Variants in MBNL1 observed in about 807,000 individuals in gnomAD.
MBNL1 encodes muscleblind like splicing regulator 1, also known as muscleblind-like protein 1.
Under a neutral mutation model 42.2 loss-of-function variants are expected in MBNL1, and 8 were observed. The observed-to-expected ratio is 0.19, with a 90% CI of 0.11 to 0.34. MBNL1 has a LOEUF of 0.34. Ranked by LOEUF, MBNL1 falls within the 10% of genes least tolerant of loss-of-function variation. MBNL1 has a pLI of 1.00. For synonymous variants in MBNL1, 169 were observed against 173.9 expected, an observed-to-expected ratio of 0.97 and a Z score of 0.22; for missense variants, 309 against 495.3, an observed-to-expected ratio of 0.62 and a Z score of 3.57.
At chr3:152,426,239 C>T (rs2098929467) in intron 3 of MBNL1, among the ~76,000 whole-genome samples, 1 of 151,994 alleles carries the variant, frequency 6.6e-6, no homozygotes. Context: ...GGAGAAATAC[C>T]TAATGTAGAT....
intron 1 of MBNL1, chr3:152,269,657 T>G (rs1047092993): frequency 3.2e-6 from 1 of 313,660 alleles, no homozygotes; most frequent in Non-Finnish European, 6.6e-6. Context: ...TCAGGCCAGT[T>G]TGCCTTTTGC....
intron 2 of MBNL1, among the ~76,000 whole-genome samples, chr3:152,407,073 T>TGTGTGTGTG (rs57861310): frequency 0.053 from 7,834 of 148,874 alleles, 275 homozygotes; most frequent in Middle Eastern, 0.11. Flanking sequence ...GTGTGTGTGT[T>TGTGTGTGTG]TGTGTGAACT....
chr3:152,326,816 T>TATTTATTG (rs1384879355), intron 2 of MBNL1, among the ~76,000 whole-genome samples: 2 of 150,938 alleles, frequency 1.3e-5, no homozygotes, highest in African/African-American at 4.9e-5. Context: ...TTTATTTATT[T>TATTTATTG]ATTGAGACAG....
chr3:152,350,351 C>T (rs1004041526), intron 2 of MBNL1, among the ~76,000 whole-genome samples: 2 of 151,994 alleles, frequency 1.3e-5, no homozygotes, highest in Non-Finnish European at 2.9e-5. Flanking sequence ...AGATTGTAAA[C>T]CAGATTCCAA....
chr3:152,451,604 C>G (rs1332413356), intron 6 of MBNL1, among the ~76,000 whole-genome samples: 1 of 152,104 alleles, frequency 6.6e-6, no homozygotes, highest in Non-Finnish European at 1.5e-5. Flanking sequence ...AGGGTAAAAT[C>G]TAGTATCTAG....
intron 4 of MBNL1, among the ~76,000 whole-genome samples, chr3:152,434,691 T>C (rs2099054970): frequency 6.6e-6 from 1 of 152,194 alleles, no homozygotes; most frequent in South Asian, 2.1e-4. Context: ...TTCTTTTTCT[T>C]TGCAACCTTG....
chr3:152,404,526 A>G (rs2098365401), intron 2 of MBNL1, among the ~76,000 whole-genome samples: 1 of 152,098 alleles, frequency 6.6e-6, no homozygotes, highest in South Asian at 2.1e-4. Flanking sequence ...AATACTAAGT[A>G]ATGATGTTAT....
chr3:152,369,329 T>C (rs1236619212), intron 2 of MBNL1, among the ~76,000 whole-genome samples: 1 of 152,238 alleles, frequency 6.6e-6, no homozygotes, highest in Non-Finnish European at 1.5e-5. Context: ...TTTGCATATG[T>C]TGAACCAGCC....
chr3:152,411,742 A>G (rs112538269), intron 2 of MBNL1, among the ~76,000 whole-genome samples: 146 of 152,326 alleles, frequency 9.6e-4, no homozygotes, highest in African/African-American at 3.3e-3. Flanking sequence ...TGCCAGAAAC[A>G]TTGAATGTCT....
Position 152,261,474 on chromosome 3 carries a change from T to C in MBNL1, n.333+17034T>C, listed in dbSNP as rs188789543. On this transcript the variant is annotated intron_variant and non_coding_transcript_variant, in intron 2 of 2. Transcript: ENST00000477171. ...CAGAGTTCTTCCAATGAGCAGTTCA[T>C]TAGGGTTAACAAGCTATCCTTTGTT... is the stretch of plus-strand genomic sequence containing the variant. Among the ~76,000 whole-genome samples, 752 of 152,254 alleles carry C rather than the reference T, an allele frequency of 4.9e-3. 27 individuals are homozygous for C. Among genetic ancestry groups the C allele is most frequent in the Admixed American group, 0.044 (670 of 15,296 alleles).
At position 152,300,245 on chromosome 3, in the gene MBNL1, G is replaced by A. The variant is rs2060166254; in HGVS notation, c.52G>A (p.Val18Ile). The change falls in exon 2 of 10, where the codon GTA becomes ATA. Residue 18 changes from valine to isoleucine, a missense_variant. By Grantham distance (29) the Val-to-Ile change is conservative. Transcript: ENST00000324210. ...IRDTKWLTLE[V>I]CREFQRGTCS... ...GGACACAAAATGGCTAACACTGGAA[G>A]TATGTAGAGAGTTCCAGAGGGGGAC... 2 of 1,613,376 alleles carry A rather than the reference G, an allele frequency of 1.2e-6. No individual in the cohort carries two copies. The highest frequency in any genetic ancestry group is 1.6e-4 in the Middle Eastern group (1 of 6,082).
intron 2 of MBNL1, among the ~76,000 whole-genome samples, chr3:152,385,540 T>G (rs1379150025): frequency 6.6e-6 from 1 of 152,074 alleles, no homozygotes; most frequent in Admixed American, 6.6e-5. Context: ...AATTGAAGTA[T>G]TCTATGGAGT....
intron 2 of MBNL1, among the ~76,000 whole-genome samples, chr3:152,368,624 A>G (rs2096531725): frequency 6.6e-6 from 1 of 152,154 alleles, no homozygotes; most frequent in African/African-American, 2.4e-5. Context: ...TTTTCATGAT[A>G]TTGATTCTTC....
intron 2 of MBNL1, among the ~76,000 whole-genome samples, chr3:152,350,956 A>G (rs2152983963): frequency 6.6e-6 from 1 of 152,290 alleles, no homozygotes; most frequent in South Asian, 2.1e-4. Context: ...GAAGTTTCAT[A>G]GCCCTGCCTA....
At chr3:152,297,505 A>G (rs953626521) in intron 1 of MBNL1, among the ~76,000 whole-genome samples, 5 of 151,836 alleles carry the variant, frequency 3.3e-5, no homozygotes, top group African/African-American at 1.2e-4. Context: ...GCCTGCCACC[A>G]TGCCCGGCTA....
chr3:152,264,239 A>G (rs2036810375), upstream of MBNL1: 1 of 152,206 alleles, frequency 6.6e-6, no homozygotes, highest in South Asian at 2.1e-4. Flanking sequence ...TTCTGTAACC[A>G]CAGTACCTAG....
intron 2 of MBNL1, among the ~76,000 whole-genome samples, chr3:152,388,196 G>T (rs1272027252): frequency 1.3e-5 from 2 of 152,096 alleles, no homozygotes; most frequent in African/African-American, 2.4e-5. Flanking sequence ...CAGGTGCTCT[G>T]AGTTGACTTG....
At chr3:152,358,810 A>G (rs946499804) in intron 2 of MBNL1, among the ~76,000 whole-genome samples, 11 of 152,118 alleles carry the variant, frequency 7.2e-5, no homozygotes, top group East Asian at 5.8e-4. Flanking sequence ...GGGTCTCACT[A>G]TGTTGCCCAG....
At chr3:152,452,987 T>C (rs571947864) in intron 6 of MBNL1, among the ~76,000 whole-genome samples, 38 of 152,176 alleles carry the variant, frequency 2.5e-4, no homozygotes, top group African/African-American at 8.9e-4. Context: ...AGAAAAAGAT[T>C]TGTCACATTT....
Sources: allele counts gnomAD v4.1 joint callset (sites outside exome capture counted in the v4.1 genomes callset), GRCh38; gene constraint gnomAD v4.1.1; transcripts MANE v1.5; gene names NCBI Gene and HGNC (gene_info 2026-07-23, HGNC 2026-07-21).